ZNF577: variants seen among roughly 807,000 people sequenced by gnomAD.
ZNF577 encodes the protein zinc finger protein 577.
In ZNF577, 14 loss-of-function variants were observed where a neutral mutation model predicts 13.9. The observed-to-expected ratio is 1.00, with a 90% CI of 0.66 to 1.57. ZNF577 has a LOEUF of 1.57. ZNF577 is among the 40% of genes most tolerant of loss of function. ZNF577 has a pLI of 0.00. For missense variants in ZNF577, 555 were observed against 579.2 expected, an observed-to-expected ratio of 0.96 and a Z score of 0.43; for synonymous variants, 203 against 202.9, an observed-to-expected ratio of 1.00 and a Z score of 0.00.
intron 5 of ZNF577, among the ~76,000 whole-genome samples, chr19:51,855,476 A>C (rs945873615): frequency 1.3e-5 from 2 of 151,694 alleles, no homozygotes; most frequent in Non-Finnish European, 2.9e-5. Flanking sequence ...AAGGGCTTCA[A>C]GATCAGCTAG....
At chr19:51,808,783 G>A (rs1449376398) in intron 10 of ZNF577, among the ~76,000 whole-genome samples, 1 of 152,224 alleles carries the variant, frequency 6.6e-6, no homozygotes, top group African/African-American at 2.4e-5. Flanking sequence ...CTTAAATCAT[G>A]TAGTAGTCGC....
At chr19:51,812,705 T>C (rs1265345310) in intron 9 of ZNF577, among the ~76,000 whole-genome samples, 1 of 152,192 alleles carries the variant, frequency 6.6e-6, no homozygotes, top group Non-Finnish European at 1.5e-5. Context: ...GGTGCAGCAT[T>C]ACATTGAGGA....
At chr19:51,842,252 T>C (rs965199813) in intron 8 of ZNF577, among the ~76,000 whole-genome samples, 6 of 152,144 alleles carry the variant, frequency 3.9e-5, no homozygotes, top group Non-Finnish European at 8.8e-5. Flanking sequence ...CATAGAAATA[T>C]AGTGCTATGG....
intron 5 of ZNF577, among the ~76,000 whole-genome samples, chr19:51,859,250 A>G (rs2084472012): frequency 6.6e-6 from 1 of 152,164 alleles, no homozygotes; most frequent in African/African-American, 2.4e-5. Context: ...TTTGATAGGC[A>G]TTTGAGTTTT....
intron 8 of ZNF577, chr19:51,841,086 T>G (rs929668124): frequency 3.3e-5 from 5 of 152,296 alleles, no homozygotes; most frequent in Admixed American, 3.3e-4. Flanking sequence ...CTGATCAAAG[T>G]GAAACATTCC....
rs779364732 is a variant in ZNF577 at position 51,870,580 on chromosome 19, G to C, written c.*1952C>G. 8.6e-5 allele frequency among the ~76,000 whole-genome samples: 13 copies of C among 151,680 alleles called. No homozygotes were observed. The highest frequency in any genetic ancestry group is 1.6e-4 in the Non-Finnish European group (11 of 68,044). On this transcript the variant is annotated 3_prime_UTR_variant, in exon 6 of 6. Transcript: ENST00000638348. ...GTGTAATCCAAGGATTTTTCTGCGT[G>C]TTCATTTCTTCCTGTTCTTCCTCCA...
Position 51,823,852 on chromosome 19 carries a change from T to A in ZNF577, c.*600-12178A>T, listed in dbSNP as rs1169936513. The A allele has an allele frequency of 5.0e-6, 8 of 1,613,794 alleles. No individual in the cohort carries two copies. In the Admixed American group the frequency reaches 1.3e-4, roughly 27 times the overall value. ...ATCTTCTCATTGCTAGTCCACGGAG[T>A]CACCTTTGTCTTCGGGGTCCTGGGC... On this transcript the variant is annotated intron_variant and NMD_transcript_variant, in intron 9 of 10. Coordinates refer to the ZNF577 transcript ENST00000638827.
intron 1 of ZNF577, among the ~76,000 whole-genome samples, chr19:51,881,921 C>T (rs1251759446): frequency 1.3e-5 from 2 of 152,130 alleles, no homozygotes; most frequent in Non-Finnish European, 2.9e-5. Context: ...TGCTGTCATC[C>T]CAGCAAGTCA....
chr19:51,808,121 T>A (rs2084072643), intron 10 of ZNF577, among the ~76,000 whole-genome samples: 1 of 152,218 alleles, frequency 6.6e-6, no homozygotes. Flanking sequence ...CCTCTTTAGT[T>A]AGTTGCTGCA....
At chr19:51,855,058 T>G (rs997507525) in intron 5 of ZNF577, among the ~76,000 whole-genome samples, 3 of 152,226 alleles carry the variant, frequency 2.0e-5, no homozygotes, top group Non-Finnish European at 4.4e-5. Flanking sequence ...ATGAGCCTCC[T>G]CAGGGGTAGT....
At chr19:51,842,860 C>T (rs1276651828) in exon 8 of ZNF577, 1 of 152,208 alleles carries the variant, frequency 6.6e-6, no homozygotes, top group African/African-American at 2.4e-5. Flanking sequence ...TCTACTATTC[C>T]TTGTTCTTCT....
Position 51,868,015 on chromosome 19 carries a change from T to G in ZNF577, c.*4517A>C, listed in dbSNP as rs2084592671. 6.6e-6 allele frequency among the ~76,000 whole-genome samples: 1 copy of G among 152,176 alleles called. No homozygotes were observed. The highest frequency in any genetic ancestry group is 1.5e-5 in the Non-Finnish European group (1 of 68,040). On this transcript the variant is annotated 3_prime_UTR_variant, in exon 6 of 6. Coordinates refer to ENST00000638348, the MANE Select transcript of ZNF577 (RefSeq NM_001370449.1). ...GAGAGCTGACACTGGATTTCTACTC[T>G]GAGGTCTGGCAGGTTCTAGTATTTA...
chr19:51,812,622 C>T lies in ZNF577; in HGVS notation c.*600-948G>A, dbSNP rs757339109. On this transcript the variant is annotated intron_variant and NMD_transcript_variant, in intron 9 of 10. Coordinates refer to the ZNF577 transcript ENST00000638827. The stretch of plus-strand genomic sequence containing the variant: ...ACCTTTCCAGGCTACCTAGGGGTAC[C>T]CTCATAGCTTTGGCATCACACACAA... 8.7e-4 allele frequency among the ~76,000 whole-genome samples: 132 copies of T among 152,256 alleles called. 2 individuals are homozygous for T. Among genetic ancestry groups the T allele is most frequent in the Admixed American group, 2.9e-3 (44 of 15,296 alleles).
At chr19:51,857,085 G>A (rs2084430354) in intron 5 of ZNF577, among the ~76,000 whole-genome samples, 2 of 152,088 alleles carry the variant, frequency 1.3e-5, no homozygotes, top group South Asian at 2.1e-4. Context: ...CGGAACATGA[G>A]GTCAAGAGAT....
intron 9 of ZNF577, chr19:51,825,126 C>A (rs1185096408): frequency 3.7e-6 from 1 of 271,736 alleles, no homozygotes; most frequent in African/African-American, 2.2e-5. Context: ...TTCGGACCAA[C>A]CAGCTTCAAT....
chr19:51,859,187 A>T (rs1053536648), intron 5 of ZNF577, among the ~76,000 whole-genome samples: 8 of 152,138 alleles, frequency 5.3e-5, no homozygotes, highest in African/African-American at 1.9e-4. Flanking sequence ...TGTATAACTG[A>T]CCATTTATGT....
At chr19:51,842,645 A>G (rs2084327405) in intron 8 of ZNF577, among the ~76,000 whole-genome samples, 2 of 152,222 alleles carry the variant, frequency 1.3e-5, no homozygotes, top group African/African-American at 4.8e-5. Flanking sequence ...ACTATGACAG[A>G]TAGTAAGAGG....
chr19:51,832,221 T>A (rs1448066960), intron 9 of ZNF577, among the ~76,000 whole-genome samples: 1 of 152,128 alleles, frequency 6.6e-6, no homozygotes, highest in Non-Finnish European at 1.5e-5. Context: ...GTCTGAACCA[T>A]ATACAGCAGA....
At chr19:51,886,653 T>A (rs1483091424) in intron 1 of ZNF577, among the ~76,000 whole-genome samples, 168 bp downstream of exon 1, 2 of 152,202 alleles carry the variant, frequency 1.3e-5, no homozygotes, top group African/African-American at 4.8e-5. Flanking sequence ...AATAAAAACT[T>A]GATAAATCAC....
Sources: gnomAD v4.1 joint callset for allele counts (sites outside exome capture counted in the v4.1 genomes callset) on GRCh38, gnomAD v4.1.1 for gene constraint, MANE v1.5 for transcripts, NCBI Gene and HGNC (gene_info 2026-07-23, HGNC 2026-07-21) for gene names.